Variants in ESR1 observed in about 807,000 individuals in gnomAD.
ESR1 encodes the protein estrogen receptor.
ESR1 carries 12 observed loss-of-function variants against 52.7 expected under a neutral mutation model. The ratio of observed to expected loss-of-function variants is 0.23; its 90% CI spans 0.15 to 0.37. The LOEUF (loss-of-function observed/expected upper bound fraction) is 0.37. Ranked by LOEUF, ESR1 falls within the 10% of genes least tolerant of loss-of-function variation. The probability of loss-of-function intolerance (pLI) is 1.00; values close to 1 mark genes in which losing one functional copy is unlikely to be tolerated. For synonymous variants in ESR1, 305 were observed against 316.8 expected (o/e 0.96, Z 0.39); for missense variants, 584 against 779.7 (o/e 0.75, Z 2.99).
intron 6 of ESR1, among the ~76,000 whole-genome samples, chr6:152,119,692 A>G (rs1562799704): frequency 6.6e-6 from 1 of 152,210 alleles, no homozygotes; most frequent in East Asian, 1.9e-4. Flanking sequence ...TTCAGCAGCC[A>G]TCAGTGTCCT....
At chr6:151,777,952 C>G (rs905178355) in intron 2 of ESR1, among the ~76,000 whole-genome samples, 1 of 151,910 alleles carries the variant, frequency 6.6e-6, no homozygotes, top group Non-Finnish European at 1.5e-5. Flanking sequence ...AAGAGCGAAA[C>G]TCTGTCTCAA....
intron 1 of ESR1, among the ~76,000 whole-genome samples, chr6:151,691,296 G>A (rs1242087818): frequency 1.3e-5 from 2 of 152,106 alleles, no homozygotes; most frequent in African/African-American, 2.4e-5. Context: ...GCCTCACAAT[G>A]GCACATACAT....
At chr6:151,765,523 G>C (rs1352160613) in intron 2 of ESR1, among the ~76,000 whole-genome samples, 1 of 152,158 alleles carries the variant, frequency 6.6e-6, no homozygotes. Flanking sequence ...TGTTACTCTC[G>C]TTAGCCATGC....
chr6:151,768,327 A>G (rs1785230413), intron 2 of ESR1, among the ~76,000 whole-genome samples: 1 of 152,196 alleles, frequency 6.6e-6, no homozygotes, highest in African/African-American at 2.4e-5. Context: ...ATAACCTGAA[A>G]GAAGCATCAC....
intron 4 of ESR1, among the ~76,000 whole-genome samples, chr6:151,952,880 C>T (rs1359724727): frequency 1.3e-5 from 2 of 152,076 alleles, no homozygotes; most frequent in Non-Finnish European, 2.9e-5. Flanking sequence ...CGTATATGTG[C>T]AAAATAAATT....
At chr6:152,127,966 T>C (rs1431875009) in exon 7 of ESR1, 2 of 152,180 alleles carry the variant, frequency 1.3e-5, no homozygotes, top group African/African-American at 4.8e-5. Context: ...GTAAAGAAGG[T>C]GCCAGAGACC....
intron 1 of ESR1, among the ~76,000 whole-genome samples, chr6:151,696,100 G>A (rs1779314597): frequency 6.6e-6 from 1 of 152,056 alleles, no homozygotes; most frequent in Non-Finnish European, 1.5e-5. Context: ...TTTTATTTAA[G>A]AAATGAGTAA....
Position 151,770,640 on chromosome 6 carries a change from A to G in ESR1, c.-70-37203A>G, listed in dbSNP as rs534545296. ...TACGGGATTTTGTCTATACATATAG[A>G]GCAAAGGAGAATTAAGCCAAGATTT... On this transcript the variant is annotated intron_variant, in intron 2 of 2. Transcript: ENST00000404742. Among the ~76,000 whole-genome samples the G allele has an allele frequency of 8.5e-5, 13 of 152,282 alleles. 1 individual carries two copies. The South Asian group carries it at 2.5e-3, about 29-fold the overall frequency.
chr6:151,866,672 G>T (rs1263103156), intron 2 of ESR1, among the ~76,000 whole-genome samples: 2 of 152,064 alleles, frequency 1.3e-5, no homozygotes, highest in Non-Finnish European at 2.9e-5. Context: ...CTTTTTTATG[G>T]CTGCATAGTA....
rs1480514438 is a variant in ESR1 at position 152,102,667 on chromosome 6, C to G, written c.*3701C>G. 3.2e-5 allele frequency: 7 copies of G among 220,270 alleles called. No homozygotes were observed. The highest frequency in any genetic ancestry group is 1.7e-4 in the Admixed American group (3 of 17,322). 13.6% of individuals were successfully genotyped at this position (220,270 alleles called of 1,614,324 possible). On this transcript the variant is annotated 3_prime_UTR_variant, in exon 8 of 8. Coordinates refer to ENST00000206249, the MANE Select transcript of ESR1 (RefSeq NM_000125.4). ...CCTTTCCAATTGAATTAAAGTGTGG[C>G]CTCGTTTTTAGTCATTTAAAATTGT...
intron 4 of ESR1, among the ~76,000 whole-genome samples, chr6:152,004,111 A>G (rs983592368): frequency 7.2e-5 from 11 of 152,086 alleles, no homozygotes; most frequent in African/African-American, 2.6e-4. Flanking sequence ...TTTATGTCCT[A>G]TATGTTGATG....
chr6:151,822,440 T>C (rs1218024492), intron 1 of ESR1, among the ~76,000 whole-genome samples: 1 of 152,242 alleles, frequency 6.6e-6, no homozygotes, highest in African/African-American at 2.4e-5. Context: ...CCCCTCGTGA[T>C]ACTCTGAGAG....
chr6:152,091,093 T>C (rs1302247895), intron 6 of ESR1, among the ~76,000 whole-genome samples: 1 of 152,222 alleles, frequency 6.6e-6, no homozygotes, highest in Non-Finnish European at 1.5e-5. Flanking sequence ...GGTGTGGCCA[T>C]CCAGGGTGGG....
chr6:151,743,852 C>T (rs968754845), intron 2 of ESR1, among the ~76,000 whole-genome samples: 2 of 152,156 alleles, frequency 1.3e-5, no homozygotes, highest in East Asian at 1.9e-4. Context: ...GCTTTCACCA[C>T]GAATTAATCG....
intron 2 of ESR1, among the ~76,000 whole-genome samples, chr6:151,737,651 C>A (rs1221709586): frequency 2.0e-5 from 3 of 152,052 alleles, no homozygotes; most frequent in African/African-American, 7.2e-5. Context: ...CCATCAGTAA[C>A]CCTCTCAGGA....
chr6:151,870,159 T>C (rs1790696751), intron 2 of ESR1, among the ~76,000 whole-genome samples: 1 of 152,252 alleles, frequency 6.6e-6, no homozygotes, highest in African/African-American at 2.4e-5. Context: ...TATAAATTTC[T>C]TATTTATTTC....
chr6:152,121,559 A>G (rs2051385812), intron 6 of ESR1: 1 of 152,318 alleles, frequency 6.6e-6, no homozygotes, highest in African/African-American at 2.4e-5. Context: ...TTTTCCTTTA[A>G]TATACACTAA....
chr6:151,896,764 T>C (rs572021095), intron 3 of ESR1, among the ~76,000 whole-genome samples: 1 of 152,296 alleles, frequency 6.6e-6, no homozygotes, highest in East Asian at 1.9e-4. Flanking sequence ...TTCCTTGATT[T>C]GTGACCTTAG....
intron 4 of ESR1, among the ~76,000 whole-genome samples, chr6:151,966,551 A>C (rs1340016342): frequency 6.6e-6 from 1 of 151,930 alleles, no homozygotes; most frequent in Non-Finnish European, 1.5e-5. Flanking sequence ...AGATTATCCT[A>C]CATTTTTCTC....
Sources: gnomAD v4.1 joint callset for allele counts (sites outside exome capture counted in the v4.1 genomes callset) on GRCh38, gnomAD v4.1.1 for gene constraint, MANE v1.5 for transcripts, NCBI Gene and HGNC (gene_info 2026-07-23, HGNC 2026-07-21) for gene names.